Variants in SLFN12L observed in about 807,000 individuals in gnomAD.
The protein encoded by SLFN12L is schlafen family member 12-like.
SLFN12L carries 34 observed loss-of-function variants against 34.8 expected under a neutral mutation model. The observed-to-expected ratio is 0.98, with a 90% confidence interval of 0.74 to 1.30. SLFN12L has a LOEUF of 1.30. Among genes scored for constraint, SLFN12L ranks in the 50% most tolerant of loss-of-function variants. The probability of loss-of-function intolerance (pLI) is 0.00; values close to 1 mark genes in which losing one functional copy is unlikely to be tolerated. For synonymous variants in SLFN12L, 259 were observed against 247.5 expected (o/e 1.05, Z -0.44); for missense variants, 703 against 696.2 (o/e 1.01, Z -0.11).
At chr17:35,529,700 G>T (rs915720642) in intron 1 of SLFN12L, among the ~76,000 whole-genome samples, 1 of 151,944 alleles carries the variant, frequency 6.6e-6, no homozygotes, top group Non-Finnish European at 1.5e-5. Context: ...ATCTGGGGGT[G>T]GGGGGCTAGG....
At chr17:35,519,475 T>C (rs1017122140) in intron 2 of SLFN12L, among the ~76,000 whole-genome samples, 1 of 152,206 alleles carries the variant, frequency 6.6e-6, no homozygotes, top group Non-Finnish European at 1.5e-5. Flanking sequence ...AGTTCATTCA[T>C]ACAAGTAAAA....
Position 35,522,872 on chromosome 17 carries a change from T to C in SLFN12L, c.-508A>G, listed in dbSNP as rs943562582. 70 of 894,524 alleles carry C rather than the reference T, an allele frequency of 7.8e-5. No individual in the cohort carries two copies. The African/African-American group carries it at 1.2e-3, about 15-fold the overall frequency. 55.4% of individuals were successfully genotyped at this position (894,524 alleles called of 1,614,324 possible). A position where few individuals can be genotyped will look rare whatever the true frequency, so the allele number is the denominator to read the frequency against. ...GGATCACAATTCCCCAGGAGAAAGG[T>C]TGGGTTTGCTTATTTATTAACTCCT... On this transcript the variant is annotated 5_prime_UTR_variant, in exon 2 of 5. Transcript: ENST00000628453.
chr17:35,476,282 G>A (rs567606587), intron 4 of SLFN12L, among the ~76,000 whole-genome samples: 2 of 152,212 alleles, frequency 1.3e-5, no homozygotes, highest in African/African-American at 2.4e-5. Flanking sequence ...GCTAATACAG[G>A]TGAGATGCTA....
chr17:35,522,747 G>A lies in SLFN12L; in HGVS notation c.-383C>T. 6.2e-7 allele frequency: 1 copy of A among 1,612,320 alleles called. No homozygotes were observed. Among genetic ancestry groups the A allele is most frequent in the Non-Finnish European group, 8.5e-7 (1 of 1,178,594 alleles). On this transcript the variant is annotated 5_prime_UTR_variant, in exon 2 of 5. Transcript: ENST00000628453. ...AAGTAAGGGCAGTGCAAGTGCAGTA[G>A]TCCTGGCCCTGCCAGGGCTGTTCTA...
chr17:35,466,207 A>G lies in SLFN12L; in HGVS notation c.*8716T>C, dbSNP rs1439606933. On this transcript the variant is annotated 3_prime_UTR_variant, in exon 5 of 5. Transcript: ENST00000628453. ...ACATTAGCGTTCATTCTTCTTGTAC[A>G]TTTTATGGGTTCAGACAAATGTATA... Among the ~76,000 whole-genome samples the G allele has an allele frequency of 6.6e-6, 1 of 152,180 alleles. No individual in the cohort carries two copies. Among genetic ancestry groups the G allele is most frequent in the Non-Finnish European group, 1.5e-5 (1 of 68,042 alleles).
intron 2 of SLFN12L, among the ~76,000 whole-genome samples, chr17:35,514,333 T>C (rs1171882557): frequency 2.0e-5 from 3 of 152,228 alleles, no homozygotes; most frequent in Non-Finnish European, 4.4e-5. Flanking sequence ...AAAATTTTAA[T>C]CCTCAGTTTT....
chr17:35,533,179 T>C (rs2072427510), intron 1 of SLFN12L, among the ~76,000 whole-genome samples: 1 of 152,246 alleles, frequency 6.6e-6, no homozygotes, highest in African/African-American at 2.4e-5. Context: ...TTTAGTTATA[T>C]GTTACATTTC....
chr17:35,508,087 T>C (rs531709935), intron 2 of SLFN12L, among the ~76,000 whole-genome samples: 10 of 152,310 alleles, frequency 6.6e-5, no homozygotes, highest in African/African-American at 2.2e-4. Flanking sequence ...ATTCCAGACA[T>C]TGTATGGAAA....
intron 2 of SLFN12L, chr17:35,490,030 T>C (rs1416863484): frequency 4.4e-6 from 7 of 1,601,090 alleles, no homozygotes; most frequent in South Asian, 2.2e-5. Context: ...CCACGAACAC[T>C]TCCACCACCT....
chr17:35,515,800 C>G (rs1342240822), intron 2 of SLFN12L, among the ~76,000 whole-genome samples: 1 of 151,828 alleles, frequency 6.6e-6, no homozygotes, highest in African/African-American at 2.4e-5. Flanking sequence ...CCCACCACCA[C>G]ACCCGGCTAA....
At chr17:35,510,059 A>G (rs931178074) in intron 2 of SLFN12L, 1 of 152,248 alleles carries the variant, frequency 6.6e-6, no homozygotes, top group Non-Finnish European at 1.5e-5. Flanking sequence ...CCAAACTGGT[A>G]AAAGCAAGTA....
rs1913719085 is a variant in SLFN12L at position 35,466,335 on chromosome 17, AACCACCGATCATTTT to A, written c.*8573_*8587del. Among the ~76,000 whole-genome samples the A allele has an allele frequency of 6.6e-6, 1 of 152,182 alleles. No individual in the cohort carries two copies. The highest frequency in any genetic ancestry group is 6.5e-5 in the Admixed American group (1 of 15,280). ...TCCTCCCACTCCCTTAATCCTTGGAAACCACCGATCATTTTACTGTCTCCATAATCTTGCCTTTTA... is the reference window on the plus strand; with the variant it reads ...TCCTCCCACTCCCTTAATCCTTGGAAACTGTCTCCATAATCTTGCCTTTTA... On this transcript the variant is annotated 3_prime_UTR_variant, in exon 5 of 5. Coordinates refer to ENST00000628453, the MANE Select transcript of SLFN12L (RefSeq NM_001363830.2).
rs147042878 is a variant in SLFN12L, at chr17:35,509,744, T to C, written c.86+12535A>G. Among the ~76,000 whole-genome samples, 479 of 151,972 alleles carry C rather than the reference T, an allele frequency of 3.2e-3. 1 individual carries two copies. The highest frequency in any genetic ancestry group is 5.0e-3 in the South Asian group (24 of 4,804). On this transcript the variant is annotated intron_variant, in intron 2 of 4. Transcript: ENST00000628453. Reference sequence around the variant, plus strand: ...ACAGAGTCTCGCTGTGTCCCCCAGGTTGGAGTGCAGTGGCGTGATCTCAGC... The same window carrying C: ...ACAGAGTCTCGCTGTGTCCCCCAGGCTGGAGTGCAGTGGCGTGATCTCAGC...
At chr17:35,520,604 G>T (rs1053217933) in intron 2 of SLFN12L, among the ~76,000 whole-genome samples, 12 of 152,184 alleles carry the variant, frequency 7.9e-5, no homozygotes, top group Non-Finnish European at 1.5e-4. Flanking sequence ...AATTAGACAG[G>T]GTTGGTGATG....
In SLFN12L at chr17:35,479,220, A is replaced by G. The variant is rs1420717918; in HGVS notation, c.1062T>C (p.Cys354=). 3.1e-6 allele frequency: 5 copies of G among 1,588,592 alleles called. No homozygotes were observed. The highest frequency in any genetic ancestry group is 4.3e-6 in the Non-Finnish European group (5 of 1,165,980). ...AATCAGGCTTTTTAGCAAACACTGC[A>G]CAGCAGAAGCGTTCCACTCTGAGTG... ...VYALRVERFC[C]AVFAKKPDSW... Residue 354 remains cysteine, a synonymous_variant, in exon 3 of 5, where the codon TGT becomes TGC. Coordinates refer to ENST00000628453, the MANE Select transcript of SLFN12L (RefSeq NM_001363830.2).
intron 2 of SLFN12L, among the ~76,000 whole-genome samples, chr17:35,499,420 A>G (rs1224443658): frequency 1.3e-5 from 2 of 152,210 alleles, no homozygotes; most frequent in African/African-American, 4.8e-5. Context: ...TACTATCTGA[A>G]ATGTGGATAA....
chr17:35,470,669 G>C lies in SLFN12L; in HGVS notation c.*4254C>G, dbSNP rs939654943. The C allele has an allele frequency of 2.1e-5, 2 of 96,192 alleles. No homozygotes were observed. The highest frequency in any genetic ancestry group is 1.2e-4 in the African/African-American group (2 of 17,018). The allele number at this position is 96,192 out of a possible 1,614,324, so 6.0% of individuals were successfully genotyped here. ...TGTGAACATGCTCCCACTGTTTTAA[G>C]TTCTTTTTTTTTTTTTTAATTTTTA... On this transcript the variant is annotated 3_prime_UTR_variant, in exon 5 of 5. Transcript: ENST00000628453.
chr17:35,497,117 G>A lies in SLFN12L; in HGVS notation c.87-16922C>T, dbSNP rs142824392. 3.2e-3 allele frequency among the ~76,000 whole-genome samples: 483 copies of A among 152,210 alleles called. 2 individuals are homozygous for A. Among genetic ancestry groups the A allele is most frequent in the African/African-American group, 0.011 (472 of 41,510 alleles). ...TACAAAAAACAAAACTAGACCGAGC[G>A]CAGTGGCTCACGCCTGTAATCTCAG... On this transcript the variant is annotated intron_variant, in intron 2 of 4. Coordinates refer to ENST00000628453, the MANE Select transcript of SLFN12L (RefSeq NM_001363830.2).
At chr17:35,475,632 CTCACACCTGTAATAACAACA>C (rs1913966935) in intron 4 of SLFN12L, 147 bp from the exon 5 acceptor site, 1 of 1,285,326 alleles carries the variant, frequency 7.8e-7, no homozygotes, top group African/African-American at 1.5e-5. Flanking sequence ...GGCATGGTGG[CTCACACCTGTAATAACAACA>C]CTTTGGGAGG....
Sources: allele counts gnomAD v4.1 joint callset (sites outside exome capture counted in the v4.1 genomes callset), GRCh38; gene constraint gnomAD v4.1.1; transcripts MANE v1.5; gene names NCBI Gene and HGNC (gene_info 2026-07-23, HGNC 2026-07-21).